Variants in SFXN5 observed in about 807,000 individuals in gnomAD.
SFXN5 encodes sideroflexin-5.
In SFXN5, 43 loss-of-function variants were observed where a neutral mutation model predicts 50.2. The observed-to-expected ratio is 0.86, with a 90% CI of 0.67 to 1.11. The LOEUF is 1.11. SFXN5 is among the 50% of genes least tolerant of loss of function. The pLI is 0.00. For synonymous variants in SFXN5, 203 were observed against 185.8 expected (o/e 1.09, Z -0.75); for missense variants, 463 against 454.1 (o/e 1.02, Z -0.18).
intron 13 of SFXN5, chr2:72,956,998 C>G (rs1237882614): frequency 2.2e-6 from 1 of 456,656 alleles, no homozygotes; most frequent in East Asian, 6.9e-5. Flanking sequence ...GAGACAGCCC[C>G]TCCTCTTTGA....
chr2:73,052,882 A>G (rs1681561102), intron 2 of SFXN5, among the ~76,000 whole-genome samples: 1 of 152,224 alleles, frequency 6.6e-6, no homozygotes, highest in South Asian at 2.1e-4. Context: ...TAGCCCTTCA[A>G]GATTCCCCCA....
chr2:73,058,657 C>A, intron 1 of SFXN5, 61 bp from the exon 2 acceptor site: 2 of 1,473,920 alleles, frequency 1.4e-6, no homozygotes, highest in South Asian at 1.1e-5. Context: ...CTTCTCCAGA[C>A]ACTGGAGAGC....
intron 9 of SFXN5, among the ~76,000 whole-genome samples, chr2:72,989,660 G>C: frequency 6.6e-6 from 1 of 152,158 alleles, no homozygotes; most frequent in East Asian, 1.9e-4. Flanking sequence ...AAAGGCAAAG[G>C]CTGGGAGTGG....
At chr2:73,039,364 C>G (rs993045165) in intron 3 of SFXN5, among the ~76,000 whole-genome samples, 2 of 151,980 alleles carry the variant, frequency 1.3e-5, no homozygotes, top group South Asian at 4.1e-4. Context: ...GGAAAGTATG[C>G]CAATGAAAAA....
At position 73,055,592 on chromosome 2, in the gene SFXN5, CTTTTTCTTTTTTTTT is replaced by C. The variant is rs1267826060; in HGVS notation, c.171+2921_171+2935del. Among the ~76,000 whole-genome samples the C allele has an allele frequency of 3.8e-3, 568 of 147,772 alleles. 3 individuals carry two copies. The highest frequency in any genetic ancestry group is 0.013 in the African/African-American group (516 of 40,334). On this transcript the variant is annotated intron_variant, in intron 2 of 13. Transcript: ENST00000272433. Reference sequence around the variant, plus strand: ...TGAGAGGGGTGGATTTCTTTTTTTTCTTTTTCTTTTTTTTTTTTTTTTTGAGACAGAGTCTCACTC... The same window carrying C: ...TGAGAGGGGTGGATTTCTTTTTTTTCTTTTTTTTGAGACAGAGTCTCACTC...
At chr2:73,060,451 T>A (rs1180105667) in intron 1 of SFXN5, among the ~76,000 whole-genome samples, 1 of 152,158 alleles carries the variant, frequency 6.6e-6, no homozygotes, top group East Asian at 1.9e-4. Context: ...TCATCAAATA[T>A]GTCAATGTCA....
At chr2:72,998,738 C>T (rs1253978293) in intron 9 of SFXN5, 3 of 572,814 alleles carry the variant, frequency 5.2e-6, no homozygotes, top group Non-Finnish European at 9.3e-6. Context: ...CACCTCCCCA[C>T]CTGCTCTCCA....
chr2:72,978,620 A>G (rs141583900), intron 10 of SFXN5, among the ~76,000 whole-genome samples: 55 of 152,286 alleles, frequency 3.6e-4, no homozygotes, highest in African/African-American at 1.3e-3. Flanking sequence ...ATAATATCAA[A>G]TATTGAAGAG....
At chr2:72,981,453 G>C (rs920116874) in intron 10 of SFXN5, among the ~76,000 whole-genome samples, 1 of 152,138 alleles carries the variant, frequency 6.6e-6, no homozygotes, top group Admixed American at 6.5e-5. Context: ...AACCTTGTGA[G>C]ATCTCATCGG....
intron 6 of SFXN5, among the ~76,000 whole-genome samples, chr2:73,008,784 A>C (rs1258789940): frequency 6.6e-6 from 1 of 152,204 alleles, no homozygotes; most frequent in Non-Finnish European, 1.5e-5. Flanking sequence ...TCTCTTTGCC[A>C]CACACCGAAG....
chr2:72,968,606 T>G, intron 11 of SFXN5, 73 bp from the exon 12 acceptor site: 1 of 1,396,910 alleles, frequency 7.2e-7, no homozygotes, highest in Non-Finnish European at 1.0e-6. Flanking sequence ...CCCAGAGCCC[T>G]AGGTGTGTGC....
At position 72,945,528 on chromosome 2, in the gene SFXN5, T is replaced by C. The variant is rs1671840666; in HGVS notation, c.946-429A>G. On this transcript the variant is annotated intron_variant, in intron 13 of 13. Coordinates refer to ENST00000272433, the MANE Select transcript of SFXN5 (RefSeq NM_144579.3). The surrounding 1 kb of genome is among the most constrained non-coding windows in gnomAD (Gnocchi z 5.8). ...AACCCCACCCTCCTGGGCTCCTCAGTCGCCTGTCCTTCCAGCACCCCACTC... is the reference window on the plus strand; with the variant it reads ...AACCCCACCCTCCTGGGCTCCTCAGCCGCCTGTCCTTCCAGCACCCCACTC... Among the ~76,000 whole-genome samples the C allele has an allele frequency of 6.6e-6, 1 of 151,896 alleles. No individual in the cohort carries two copies. Among genetic ancestry groups the C allele is most frequent in the Admixed American group, 6.6e-5 (1 of 15,258 alleles).
intron 10 of SFXN5, among the ~76,000 whole-genome samples, chr2:72,977,975 A>G (rs77409161): frequency 8.0e-6 from 1 of 124,314 alleles, no homozygotes; most frequent in South Asian, 2.5e-4. Context: ...TCTGCCTCAG[A>G]AAAAAAAAAA....
chr2:73,050,851 T>A (rs951330675), intron 2 of SFXN5, among the ~76,000 whole-genome samples: 1 of 152,256 alleles, frequency 6.6e-6, no homozygotes, highest in Non-Finnish European at 1.5e-5. Flanking sequence ...ATATGTATGC[T>A]CTGCTTCCCT....
At chr2:72,981,787 T>C (rs562299555) in intron 10 of SFXN5, among the ~76,000 whole-genome samples, 2 of 152,306 alleles carry the variant, frequency 1.3e-5, no homozygotes, top group African/African-American at 4.8e-5. Context: ...CACGCCCACA[T>C]ATTCCTTTGA....
intron 2 of SFXN5, among the ~76,000 whole-genome samples, chr2:73,057,642 G>A (rs528110753): frequency 6.6e-6 from 1 of 152,274 alleles, no homozygotes; most frequent in Non-Finnish European, 1.5e-5. Context: ...CATCTTGATT[G>A]CCCATATGGT....
intron 2 of SFXN5, among the ~76,000 whole-genome samples, chr2:73,045,709 C>T (rs1574218276): frequency 6.6e-6 from 1 of 152,052 alleles, no homozygotes; most frequent in South Asian, 2.1e-4. Context: ...CTAGAGTCGC[C>T]TCCAAGCAGT....
intron 3 of SFXN5, among the ~76,000 whole-genome samples, chr2:73,036,348 T>C (rs1038247736): frequency 6.6e-6 from 1 of 151,858 alleles, no homozygotes; most frequent in Non-Finnish European, 1.5e-5. Flanking sequence ...GCCAGGAGGC[T>C]GGGGGAAGGG....
In SFXN5 at chr2:72,944,467, T is replaced by C. The variant is rs1671719039; in HGVS notation, c.*555A>G. On this transcript the variant is annotated 3_prime_UTR_variant, in exon 14 of 14. Coordinates refer to ENST00000272433, the MANE Select transcript of SFXN5 (RefSeq NM_144579.3). ...CCTGAGGACCCTAGTCATGGCTAGT[T>C]CATCCTGTGGGGTGCAGACCACCTT... 6.5e-6 allele frequency: 1 copy of C among 152,890 alleles called. No individual in the cohort carries two copies. Among genetic ancestry groups the C allele is most frequent in the African/African-American group, 2.4e-5 (1 of 41,386 alleles). 9.5% of individuals were successfully genotyped at this position (152,890 alleles called of 1,614,324 possible). A position where few individuals can be genotyped will look rare whatever the true frequency, so the allele number is the denominator to read the frequency against.
Sources: allele counts gnomAD v4.1 joint callset (sites outside exome capture counted in the v4.1 genomes callset), GRCh38; gene constraint gnomAD v4.1.1; non-coding constraint Gnocchi (gnomAD v3.1); transcripts MANE v1.5; gene names NCBI Gene and HGNC (gene_info 2026-07-23, HGNC 2026-07-21).